LYRM4: variants seen among roughly 807,000 people sequenced by gnomAD.
LYRM4 encodes the protein LYR motif containing 4, also known as LYR motif-containing protein 4.
Under a neutral mutation model 11.7 loss-of-function variants are expected in LYRM4, and 9 were observed. That is an observed-to-expected ratio of 0.77 (90% CI 0.46 to 1.34). The LOEUF is 1.34. LYRM4 is among the 40% of genes most tolerant of loss of function. The pLI, the probability that LYRM4 is intolerant of heterozygous loss-of-function variation, is 0.00. For missense variants in LYRM4, 133 were observed against 112.5 expected, an observed-to-expected ratio of 1.18 and a Z score of -0.82; for synonymous variants, 42 against 40.4, an observed-to-expected ratio of 1.04 and a Z score of -0.15.
intron 2 of LYRM4, among the ~76,000 whole-genome samples, chr6:5,151,069 TTTTG>T (rs1169813967): frequency 1.4e-5 from 2 of 144,024 alleles, no homozygotes; most frequent in Non-Finnish European, 3.0e-5. Flanking sequence ...CCAAAATGCC[TTTTG>T]TTTGTTTTGA....
intron 2 of LYRM4, among the ~76,000 whole-genome samples, chr6:5,215,786 T>A (rs527757944): frequency 1.3e-5 from 2 of 152,192 alleles, no homozygotes; most frequent in East Asian, 3.9e-4. Context: ...GTAAAGAGTT[T>A]CCCCCTCCAC....
At chr6:5,144,076 AG>A in intron 2 of LYRM4, 1 of 1,478,644 alleles carries the variant, frequency 6.8e-7, no homozygotes, top group Non-Finnish European at 9.0e-7. Flanking sequence ...CTCCAGAAAA[AG>A]AAATGCTTAG....
At chr6:5,082,885 C>T in the LYRM4 span, among the ~76,000 whole-genome samples, 1 of 150,804 alleles carries the variant, frequency 6.6e-6, no homozygotes, top group African/African-American at 2.4e-5. Context: ...AGAGCCTCTG[C>T]GTGGCCCAGC....
the LYRM4 span, among the ~76,000 whole-genome samples, chr6:5,049,272 T>C: frequency 2.6e-4 from 40 of 152,234 alleles, 2 homozygotes; most frequent in East Asian, 7.0e-3. Context: ...ACCACCCAAA[T>C]TGAGAGCTGA....
chr6:5,206,602 A>C (rs960550347), intron 2 of LYRM4, among the ~76,000 whole-genome samples: 2 of 152,226 alleles, frequency 1.3e-5, no homozygotes, highest in Non-Finnish European at 2.9e-5. Context: ...TGAGGACTTC[A>C]TGGTGATGCT....
At chr6:5,038,018 T>G in the LYRM4 span, among the ~76,000 whole-genome samples, 1 of 45,534 alleles carries the variant, frequency 2.2e-5, no homozygotes, top group Non-Finnish European at 5.2e-5. Flanking sequence ...ACGGGGTGGC[T>G]GCCGGACGGA....
At chr6:5,211,017 T>G (rs909259290) in intron 2 of LYRM4, among the ~76,000 whole-genome samples, 1 of 152,184 alleles carries the variant, frequency 6.6e-6, no homozygotes, top group Non-Finnish European at 1.5e-5. Context: ...CTTCCCTTTA[T>G]TCCACTAAAA....
the LYRM4 span, chr6:5,086,849 A>G: frequency 2.2e-6 from 1 of 458,154 alleles, no homozygotes; most frequent in Non-Finnish European, 3.8e-6. Context: ...TCAGAATAGG[A>G]AGAAACTTCC....
At chr6:5,173,450 G>T (rs1269218214) in intron 2 of LYRM4, among the ~76,000 whole-genome samples, 1 of 152,214 alleles carries the variant, frequency 6.6e-6, no homozygotes. Flanking sequence ...AATGAATCAC[G>T]AAGTCTGAAT....
chr6:5,194,179 C>G (rs536071108), intron 2 of LYRM4, among the ~76,000 whole-genome samples: 1 of 152,080 alleles, frequency 6.6e-6, no homozygotes, highest in South Asian at 2.1e-4. Flanking sequence ...CAGCTTCATA[C>G]GCTCCATTTG....
chr6:5,129,864 C>T (rs560460232), intron 2 of LYRM4, among the ~76,000 whole-genome samples: 2 of 152,328 alleles, frequency 1.3e-5, no homozygotes, highest in South Asian at 4.1e-4. Context: ...GAAGCGAGAG[C>T]GCAAAGCAGC....
intron 2 of LYRM4, among the ~76,000 whole-genome samples, chr6:5,211,121 CT>C (rs1443174553): frequency 1.3e-5 from 2 of 152,106 alleles, no homozygotes; most frequent in Middle Eastern, 3.2e-3. Flanking sequence ...ATGGGGTGCA[CT>C]ATCTGTTTTC....
At chr6:5,120,624 C>T (rs1219932328) in intron 2 of LYRM4, among the ~76,000 whole-genome samples, 2 of 152,136 alleles carry the variant, frequency 1.3e-5, no homozygotes, top group Non-Finnish European at 2.9e-5. Context: ...TGCCCATGTC[C>T]TGCTGATTGG....
intron 2 of LYRM4, among the ~76,000 whole-genome samples, chr6:5,202,780 G>A (rs115922348): frequency 7.1e-4 from 108 of 152,276 alleles, no homozygotes; most frequent in African/African-American, 2.5e-3. Flanking sequence ...AATTTTGTTG[G>A]CTTAGACTTT....
At chr6:5,201,241 T>C (rs1761377155) in intron 2 of LYRM4, among the ~76,000 whole-genome samples, 1 of 152,126 alleles carries the variant, frequency 6.6e-6, no homozygotes, top group Non-Finnish European at 1.5e-5. Flanking sequence ...TCCTTTAGTT[T>C]TCTTGTCCCC....
At chr6:5,042,229 A>G in the LYRM4 span, among the ~76,000 whole-genome samples, 1 of 152,166 alleles carries the variant, frequency 6.6e-6, no homozygotes, top group Admixed American at 6.5e-5. Flanking sequence ...CAAGTTGATT[A>G]TTTTATTGTA....
chr6:5,085,290 C>T, the LYRM4 span: 3 of 521,434 alleles, frequency 5.8e-6, no homozygotes, highest in African/African-American at 2.0e-5. Flanking sequence ...CCTCCTCCCA[C>T]TTCGCCCTGG....
At chr6:5,074,197 A>G in the LYRM4 span, among the ~76,000 whole-genome samples, 5 of 152,284 alleles carry the variant, frequency 3.3e-5, no homozygotes, top group East Asian at 5.8e-4. Context: ...CAAATTCTAC[A>G]AAAGCATGGC....
At chr6:5,085,690 GAGC>G in the LYRM4 span, 1 of 1,547,984 alleles carries the variant, frequency 6.5e-7, no homozygotes, top group Non-Finnish European at 8.7e-7. Context: ...CGCCCCCCAG[GAGC>G]AGGAGGAGCT....
Sources: gnomAD v4.1 joint callset for allele counts (sites outside exome capture counted in the v4.1 genomes callset) on GRCh38, gnomAD v4.1.1 for gene constraint, MANE v1.5 for transcripts, NCBI Gene and HGNC (gene_info 2026-07-23, HGNC 2026-07-21) for gene names.